Variants in AMBRA1 observed in about 807,000 individuals in gnomAD.
AMBRA1 encodes the protein autophagy and beclin 1 regulator 1, also known as activating molecule in BECN1-regulated autophagy protein 1.
A neutral mutation model predicts 125.4 loss-of-function variants in AMBRA1; 47 were observed. The ratio of observed to expected loss-of-function variants is 0.37; its 90% CI spans 0.30 to 0.48. The LOEUF is 0.48. Among genes scored for constraint, AMBRA1 ranks in the 20% least tolerant of loss-of-function variants. The pLI, the probability that AMBRA1 is intolerant of heterozygous loss-of-function variation, is 0.99. For synonymous variants in AMBRA1, 626 were observed against 655.5 expected, an observed-to-expected ratio of 0.95 and a Z score of 0.69; for missense variants, 1,331 against 1,693.4, an observed-to-expected ratio of 0.79 and a Z score of 3.76.
intron 14 of AMBRA1, chr11:46,429,053 G>A (rs979715908): frequency 2.7e-5 from 44 of 1,610,804 alleles, no homozygotes; most frequent in African/African-American, 4.0e-5. Flanking sequence ...TGCCAGCTCC[G>A]GGTGCTTAGG....
At chr11:46,546,164 T>G (rs1047310397) in intron 4 of AMBRA1, 1 of 155,766 alleles carries the variant, frequency 6.4e-6, no homozygotes, top group Non-Finnish European at 1.4e-5. Context: ...GCCTCCCAAG[T>G]AGCTGGGACC....
intron 7 of AMBRA1, among the ~76,000 whole-genome samples, chr11:46,525,995 C>T (rs1015651400): frequency 5.9e-5 from 9 of 151,932 alleles, no homozygotes; most frequent in Non-Finnish European, 8.8e-5. Flanking sequence ...CACCTGAGGT[C>T]GGGAGTTCAA....
At chr11:46,519,622 A>C (rs1951671750) in intron 7 of AMBRA1, among the ~76,000 whole-genome samples, 1 of 152,120 alleles carries the variant, frequency 6.6e-6, no homozygotes, top group Non-Finnish European at 1.5e-5. Context: ...CTAATGAATA[A>C]CTTTACAGCC....
chr11:46,519,825 C>G (rs73467963), intron 7 of AMBRA1, among the ~76,000 whole-genome samples: 1,922 of 152,248 alleles, frequency 0.013, 51 homozygotes, highest in African/African-American at 0.044. Flanking sequence ...AAACTTTTTG[C>G]TCCCAGGACT....
chr11:46,486,366 T>C (rs1468159988), intron 11 of AMBRA1, among the ~76,000 whole-genome samples: 1 of 152,248 alleles, frequency 6.6e-6, no homozygotes, highest in African/African-American at 2.4e-5. Context: ...GTCTCTATTA[T>C]TAATCTATAC....
At chr11:46,485,600 A>G (rs968388915) in intron 11 of AMBRA1, among the ~76,000 whole-genome samples, 1 of 152,244 alleles carries the variant, frequency 6.6e-6, no homozygotes, top group Non-Finnish European at 1.5e-5. Flanking sequence ...ATTATTTTGT[A>G]ATACCCAAAG....
intron 1 of AMBRA1, among the ~76,000 whole-genome samples, chr11:46,574,062 T>C (rs1001381591): frequency 1.1e-4 from 15 of 133,676 alleles, no homozygotes; most frequent in East Asian, 1.0e-3. Context: ...ATCCAGTCTA[T>C]CATTGTTGGA....
intron 1 of AMBRA1, among the ~76,000 whole-genome samples, chr11:46,559,908 G>A (rs1591123331): frequency 6.6e-6 from 1 of 152,018 alleles, no homozygotes. Flanking sequence ...AGGGGAAATG[G>A]GTTATAAAAT....
intron 5 of AMBRA1, 28 bp downstream of exon 5, chr11:46,545,576 G>A: frequency 1.2e-6 from 2 of 1,609,968 alleles, no homozygotes; most frequent in East Asian, 2.2e-5. Context: ...TCCTGTGCCA[G>A]ACAATGCAGA....
intron 7 of AMBRA1, among the ~76,000 whole-genome samples, chr11:46,540,909 A>T (rs1263672158): frequency 6.6e-6 from 1 of 152,228 alleles, no homozygotes; most frequent in South Asian, 2.1e-4. Context: ...GAAAATTTGT[A>T]ACCATTCAAC....
At chr11:46,502,093 T>G (rs1362866160) in intron 9 of AMBRA1, among the ~76,000 whole-genome samples, 1 of 152,198 alleles carries the variant, frequency 6.6e-6, no homozygotes, top group Non-Finnish European at 1.5e-5. Flanking sequence ...TTTTTTTGTT[T>G]TAATTTTTTA....
chr11:46,428,746 A>G, intron 14 of AMBRA1: 1 of 1,610,132 alleles, frequency 6.2e-7, no homozygotes, highest in Middle Eastern at 2.0e-4. Context: ...TCTTGTCGGC[A>G]CCAGGTGGCA....
intron 7 of AMBRA1, among the ~76,000 whole-genome samples, chr11:46,529,736 A>T (rs1465821691): frequency 6.6e-6 from 1 of 152,160 alleles, no homozygotes; most frequent in African/African-American, 2.4e-5. Context: ...AGATACCCGA[A>T]TTGATATGGA....
At chr11:46,491,867 AGGAGGTCTT>A (rs1950476142) in intron 11 of AMBRA1, among the ~76,000 whole-genome samples, 1 of 152,232 alleles carries the variant, frequency 6.6e-6, no homozygotes, top group Admixed American at 6.5e-5. Flanking sequence ...AATTGAAGTA[AGGAGGTCTT>A]GGAGGCAAGG....
chr11:46,415,384 T>C (rs940196076), intron 15 of AMBRA1, among the ~76,000 whole-genome samples: 1 of 152,242 alleles, frequency 6.6e-6, no homozygotes, highest in African/African-American at 2.4e-5. Context: ...TGTGTTATTG[T>C]GGCATATTTT....
rs201268663 is a variant in AMBRA1, at chr11:46,493,717, A to C, written c.2421-9T>G. The C allele has an allele frequency of 6.3e-7, 1 of 1,583,622 alleles. No individual in the cohort carries two copies. The highest frequency in any genetic ancestry group is 8.5e-7 in the Non-Finnish European group (1 of 1,171,126). ...CAGGCAGCAAGAAACGCCTACAAGA[A>C]GGAATCACATGTGAAAAGCTGACTA... On this transcript the variant is annotated splice_polypyrimidine_tract_variant and intron_variant, in intron 10 of 17. Transcript: ENST00000683756.
rs775965143 is a variant in AMBRA1 at position 46,512,730 on chromosome 11, G to A, written c.2156C>T (p.Ala719Val). The change falls in exon 8 of 18, where the codon GCG (alanine) becomes GTG (valine). Residue 719 changes from alanine to valine, a missense_variant. This residue lies in a region of AMBRA1 where 689 missense variants were observed against 776.5 expected (regional missense o/e 0.89). Transcript: ENST00000683756. ...SREHPIYPDP[A>V]RLSPAAYYAQ... is the part of the protein sequence containing the mutation. ...CCATTTCTCACTTTGGCCTTACCTC[G>A]CTGGGTCTGGGTAAATTGGGTGCTC... The A allele has an allele frequency of 9.3e-6, 15 of 1,612,304 alleles. No homozygotes were observed. Among genetic ancestry groups the A allele is most frequent in the South Asian group, 2.2e-5 (2 of 90,764 alleles).
intron 11 of AMBRA1, among the ~76,000 whole-genome samples, chr11:46,490,384 CA>C (rs34446488): frequency 6.6e-6 from 1 of 152,156 alleles, no homozygotes. Context: ...AATAGACTAT[CA>C]AAACACTTTT....
In AMBRA1 at chr11:46,402,287, C is replaced by G. The variant is rs954527258; in HGVS notation, c.3404-4344G>C. Among the ~76,000 whole-genome samples, 4 of 152,352 alleles carry G rather than the reference C, an allele frequency of 2.6e-5. 1 individual carries two copies. The South Asian group carries it at 8.3e-4, about 32-fold the overall frequency. Reference sequence around the variant, plus strand: ...ATGTATTAATAAAAGGGCTCCCAGGCTCCTCACAGGGGCTCCAGACTTAAG... The same window carrying G: ...ATGTATTAATAAAAGGGCTCCCAGGGTCCTCACAGGGGCTCCAGACTTAAG... On this transcript the variant is annotated intron_variant, in intron 17 of 17. Coordinates refer to ENST00000683756, the MANE Select transcript of AMBRA1 (RefSeq NM_001387011.1).
Sources: allele counts gnomAD v4.1 joint callset (sites outside exome capture counted in the v4.1 genomes callset), GRCh38; gene constraint gnomAD v4.1.1; regional missense constraint gnomAD v4.1.1; transcripts MANE v1.5; gene names NCBI Gene and HGNC (gene_info 2026-07-23, HGNC 2026-07-21).